The following HAUS5 variants were observed in gnomAD, a reference collection of about 807,000 sequenced individuals.
HAUS5 encodes the protein HAUS augmin like complex subunit 5.
A neutral mutation model predicts 94.1 loss-of-function variants in HAUS5; 67 were observed. The ratio of observed to expected loss-of-function variants is 0.71; its 90% CI spans 0.58 to 0.87. HAUS5 has a LOEUF of 0.87. HAUS5 is among the 40% of genes least tolerant of loss of function. The probability of loss-of-function intolerance (pLI) is 0.00; values close to 1 mark genes in which losing one functional copy is unlikely to be tolerated. For missense variants in HAUS5, 739 were observed against 825.6 expected, an observed-to-expected ratio of 0.90 and a Z score of 1.29; for synonymous variants, 339 against 355.4, an observed-to-expected ratio of 0.95 and a Z score of 0.52.
intron 17 of HAUS5, among the ~76,000 whole-genome samples, chr19:35,621,769 G>A (rs1214769389): frequency 1.3e-5 from 2 of 151,992 alleles, no homozygotes; most frequent in African/African-American, 2.4e-5. Flanking sequence ...TTCTCCCATC[G>A]GTCCCCTGCC....
chr19:35,618,463 CA>C lies in HAUS5; in HGVS notation c.884del (p.Gln295ArgfsTer18). 1.2e-6 allele frequency: 2 copies of C among 1,614,082 alleles called. No homozygotes were observed. Among genetic ancestry groups the C allele is most frequent in the Non-Finnish European group, 1.7e-6 (2 of 1,179,950 alleles). ...CCTGCCGTCCATGGTTCATCTCATC[CA>C]GGTGACCCCAGGGCTCGCCTCCCCA... ...QTLPSMVHLI[Q>X]EGWRTVGVLV... On this transcript the variant is annotated frameshift_variant and splice_region_variant, in exon 11 of 19. Transcript: ENST00000203166. LOFTEE classifies it high-confidence loss of function.
At chr19:35,622,277 G>A (rs181081470) in intron 17 of HAUS5, among the ~76,000 whole-genome samples, 1 of 151,808 alleles carries the variant, frequency 6.6e-6, no homozygotes, top group Non-Finnish European at 1.5e-5. Context: ...AGGAAGAAAC[G>A]CTCAGGAGAC....
Position 35,618,121 on chromosome 19 carries a change from C to T in HAUS5, c.747C>T (p.His249=), listed in dbSNP as rs1967134839. Residue 249 remains histidine, a synonymous_variant, in exon 10 of 19, where the codon CAC becomes CAT. Transcript: ENST00000203166. ...PPGHVLAALE[H]LAAEREAEIR... ...GCCACGTCCTGGCTGCCTTGGAGCA[C>T]CTGGCTGCAGAGCGGGAGGCAGAGA... The T allele has an allele frequency of 6.2e-7, 1 of 1,609,548 alleles. No homozygotes were observed.
Position 35,623,292 on chromosome 19 carries a change from TC to T in HAUS5, c.*301del, listed in dbSNP as rs1967247157. ...ACAAAAGAAACAGAAAACCCTGTCT[TC>T]CAGCAGTTGAGTTCTAGGGCAGGGA... On this transcript the variant is annotated 3_prime_UTR_variant, in exon 19 of 19. Transcript: ENST00000203166. 3.2e-6 allele frequency: 1 copy of T among 316,486 alleles called. No homozygotes were observed. Among genetic ancestry groups the T allele is most frequent in the Admixed American group, 4.6e-5 (1 of 21,740 alleles). The allele number at this position is 316,486 out of a possible 1,614,324, so 19.6% of individuals were successfully genotyped here.
At chr19:35,613,927 C>T (rs762458511) in intron 3 of HAUS5, 27 bp downstream of exon 3, 165 of 1,612,970 alleles carry the variant, frequency 1.0e-4, no homozygotes, top group Non-Finnish European at 1.3e-4. Context: ...GCTATCCCCT[C>T]CTGTCTTCCC....
chr19:35,618,613 C>T lies in HAUS5; in HGVS notation c.930C>T (p.Thr310=). ...TVGVLVSQRS[T]LLKERQVLTQ... ...GTGTGCTGGTCTCCCAGCGGAGCACCCTCCTGAAGGAGCGGCAAGTCTTGA... is the reference window on the plus strand; with the variant it reads ...GTGTGCTGGTCTCCCAGCGGAGCACTCTCCTGAAGGAGCGGCAAGTCTTGA... Residue 310 remains threonine (T), a synonymous_variant, in exon 12 of 19, where the codon ACC becomes ACT. Transcript: ENST00000203166. The T allele has an allele frequency of 1.9e-6, 3 of 1,607,246 alleles. No individual in the cohort carries two copies. Among genetic ancestry groups the T allele is most frequent in the Non-Finnish European group, 1.7e-6 (2 of 1,174,796 alleles).
Position 35,615,313 on chromosome 19 carries a change from A to C in HAUS5, c.412A>C (p.Arg138=), listed in dbSNP as rs993627904. 3.1e-6 allele frequency: 5 copies of C among 1,613,762 alleles called. No individual in the cohort carries two copies. Among genetic ancestry groups the C allele is most frequent in the Non-Finnish European group, 4.2e-6 (5 of 1,179,918 alleles). The change falls in exon 6 of 19, where the codon AGA becomes CGA. Residue 138 remains arginine (R), a synonymous_variant. Coordinates refer to ENST00000203166, the MANE Select transcript of HAUS5 (RefSeq NM_015302.2). The stretch of plus-strand genomic sequence containing the variant: ...CCGGGCCCAAGCTGGGGCCATGCGA[A>C]GACAGCAGCATACGCTCCGAGATCC... ...LLRAQAGAMR[R]QQHTLRDPMQ... is the part of the protein sequence containing the mutation.
rs770333711 is a variant in HAUS5, at chr19:35,615,227, A to G, written c.326A>G (p.Asp109Gly). 5.0e-6 allele frequency: 8 copies of G among 1,613,910 alleles called. No individual in the cohort carries two copies. The East Asian group carries it at 1.8e-4, about 36-fold the overall frequency. ...ELMERDTEAQ[D>G]TAMEQARQHT... ...ATGGCCACCCCTGTTCCTCCCACAG[A>G]CACGGCCATGGAGCAGGCACGTCAG... Residue 109 changes from aspartate (D) to glycine (G), a missense_variant and splice_region_variant, in exon 6 of 19, where the codon GAC (aspartate) becomes GGC (glycine). Physicochemically the swap from Asp to Gly is moderately conservative, Grantham distance 94. Transcript: ENST00000203166.
chr19:35,613,586 A>G, intron 1 of HAUS5, 144 bp from the exon 2 acceptor site: 1 of 630,392 alleles, frequency 1.6e-6, no homozygotes. Context: ...AAAAAAAAAA[A>G]AAAAGGCAAA....
chr19:35,621,425 C>G (rs1217079902), intron 17 of HAUS5, among the ~76,000 whole-genome samples: 3 of 152,174 alleles, frequency 2.0e-5, no homozygotes, highest in African/African-American at 7.2e-5. Flanking sequence ...TTACTGCAGC[C>G]TCAACCTCCT....
Position 35,617,300 on chromosome 19 carries a change from C to T in HAUS5, c.569C>T (p.Thr190Ile). The change falls in exon 8 of 19, where the codon ACA becomes ATA. Residue 190 changes from threonine to isoleucine, a missense_variant. Coordinates refer to ENST00000203166, the MANE Select transcript of HAUS5 (RefSeq NM_015302.2). ...TCTTCTCCCTAGCGTGATGTCCGAACAGCCTGCACCCTCCGGGCCCAGTTC... is the reference window on the plus strand; with the variant it reads ...TCTTCTCCCTAGCGTGATGTCCGAATAGCCTGCACCCTCCGGGCCCAGTTC... The part of the protein sequence containing the change: ...LEPVVLRDVR[T>I]ACTLRAQFLQ... The T allele has an allele frequency of 6.2e-7, 1 of 1,613,862 alleles. No homozygotes were observed. The highest frequency in any genetic ancestry group is 1.1e-5 in the South Asian group (1 of 91,082).
In HAUS5 at chr19:35,622,969, G is replaced by A. The variant is rs775196630; in HGVS notation, c.1878G>A (p.Gly626=). The A allele has an allele frequency of 1.2e-6, 2 of 1,611,924 alleles. No individual in the cohort carries two copies. Among genetic ancestry groups the A allele is most frequent in the Non-Finnish European group, 1.7e-6 (2 of 1,178,888 alleles). Residue 626 remains glycine (G), a synonymous_variant, in exon 19 of 19, where the codon GGG becomes GGA. Transcript: ENST00000203166. ...QWRLRWVQAQ[G]ALQKLCS is the part of the protein sequence containing the mutation. ...GGCTGCGCTGGGTTCAGGCCCAGGG[G>A]GCCCTGCAGAAGCTGTGCAGCTGAA...
chr19:35,615,311 G>A lies in HAUS5; in HGVS notation c.410G>A (p.Arg137Gln), dbSNP rs1568327566. The part of the protein sequence containing the change: ...LLLRAQAGAM[R>Q]RQQHTLRDPM... ...CTCCGGGCCCAAGCTGGGGCCATGC[G>A]AAGACAGCAGCATACGCTCCGAGAT... Residue 137 changes from arginine (R) to glutamine (Q), a missense_variant, in exon 6 of 19, where the codon CGA becomes CAA. By Grantham distance (43) the Arg-to-Gln change is conservative. Coordinates refer to ENST00000203166, the MANE Select transcript of HAUS5 (RefSeq NM_015302.2). 3.7e-6 allele frequency: 6 copies of A among 1,613,688 alleles called. No individual in the cohort carries two copies. The highest frequency in any genetic ancestry group is 2.2e-5 in the East Asian group (1 of 44,872).
chr19:35,612,808 A>G lies in HAUS5; in HGVS notation c.14A>G (p.Gln5Arg). The change falls in exon 1 of 19, where the codon CAG becomes CGG. Residue 5 changes from glutamine to arginine, a missense_variant. Transcript: ENST00000203166. ...CGCGGCGCTGTCATGGAGCTAGCGC[A>G]GGAAGCGCGGGAACTGGGTTGCTGG... MELA[Q>R]EARELGCWAV... 5 of 1,547,284 alleles carry G rather than the reference A, an allele frequency of 3.2e-6. No homozygotes were observed. The highest frequency in any genetic ancestry group is 3.5e-6 in the Non-Finnish European group (4 of 1,145,620).
rs528581770 is a variant in HAUS5, at chr19:35,625,154, C to T, written c.*2161C>T. On this transcript the variant is annotated 3_prime_UTR_variant, in exon 19 of 19. Transcript: ENST00000203166. ...GCATTTTTATTTTGATAAAATAGAC[C>T]GTTTAAATTTTTGAGATTCTACCTT... 2 of 152,056 alleles carry T rather than the reference C, an allele frequency of 1.3e-5. No homozygotes were observed. Among genetic ancestry groups the T allele is most frequent in the South Asian group, 4.2e-4 (2 of 4,810 alleles). 9.4% of individuals were successfully genotyped at this position (152,056 alleles called of 1,614,324 possible).
Position 35,614,553 on chromosome 19 carries a change from C to T in HAUS5, c.220-489C>T, listed in dbSNP as rs576007701. The stretch of plus-strand genomic sequence containing the variant: ...GAGCTGAGATCGCACTACTGCACTC[C>T]AGCCTGGGCAATAGAGCGAGACTCT... On this transcript the variant is annotated intron_variant, in intron 4 of 18. Transcript: ENST00000203166. 5.7e-4 allele frequency among the ~76,000 whole-genome samples: 87 copies of T among 152,188 alleles called. 1 individual carries two copies. Among genetic ancestry groups the T allele is most frequent in the African/African-American group, 2.1e-3 (86 of 41,510 alleles).
chr19:35,619,385 G>C (rs1967165011), intron 13 of HAUS5, 39 bp from the exon 14 acceptor site: 1 of 1,491,380 alleles, frequency 6.7e-7, no homozygotes, highest in South Asian at 1.3e-5. Flanking sequence ...GAGGCTGGGA[G>C]CTGGGAGGAG....
intron 17 of HAUS5, 76 bp downstream of exon 17, chr19:35,620,403 C>A (rs779133055): frequency 1.5e-5 from 21 of 1,392,548 alleles, no homozygotes; most frequent in Non-Finnish European, 1.8e-5. Flanking sequence ...TCCTTACCAG[C>A]AACCCCGTTG....
Position 35,625,263 on chromosome 19 carries a change from GAT to G in HAUS5, c.*2272_*2273del, listed in dbSNP as rs770864590. The G allele has an allele frequency of 1.3e-5, 2 of 152,082 alleles. No individual in the cohort carries two copies. The highest frequency in any genetic ancestry group is 2.9e-5 in the Non-Finnish European group (2 of 68,020). The allele number at this position is 152,082 out of a possible 1,614,324, so 9.4% of individuals were successfully genotyped here. ...AAGATTTTTAGTGTAAATGAAAAAA[GAT>G]AACAAATATAAACTCAAGTAAACAC... On this transcript the variant is annotated 3_prime_UTR_variant, in exon 19 of 19. Coordinates refer to ENST00000203166, the MANE Select transcript of HAUS5 (RefSeq NM_015302.2).
Sources: allele counts gnomAD v4.1 joint callset (sites outside exome capture counted in the v4.1 genomes callset), GRCh38; gene constraint gnomAD v4.1.1; transcripts MANE v1.5; gene names NCBI Gene and HGNC (gene_info 2026-07-23, HGNC 2026-07-21).